The following NFASC variants were observed in gnomAD, a reference collection of about 807,000 sequenced individuals.
The protein encoded by NFASC is neurofascin homolog.
In NFASC, 43 loss-of-function variants were observed where a neutral mutation model predicts 147.5. The ratio of observed to expected loss-of-function variants is 0.29; its 90% CI spans 0.23 to 0.38. The LOEUF (loss-of-function observed/expected upper bound fraction) is 0.38, where lower values mean the gene tolerates loss of function less well. Among genes scored for constraint, NFASC ranks in the 10% least tolerant of loss-of-function variants. NFASC has a pLI of 1.00. For missense variants in NFASC, 1,320 were observed against 1,689.0 expected, an observed-to-expected ratio of 0.78 and a Z score of 3.83; for synonymous variants, 622 against 665.5, an observed-to-expected ratio of 0.93 and a Z score of 1.01.
chr1:204,865,141 A>G (rs1016619186), intron 1 of NFASC, among the ~76,000 whole-genome samples: 2 of 152,344 alleles, frequency 1.3e-5, no homozygotes, highest in Admixed American at 6.5e-5. Context: ...CATGAGGGAT[A>G]CATTTCAAGA....
At chr1:205,000,547 C>T (rs1180939457) in intron 25 of NFASC, 1 of 154,320 alleles carries the variant, frequency 6.5e-6, no homozygotes, top group East Asian at 1.9e-4. Flanking sequence ...GTGGCCTCCT[C>T]CTCCTGGCCA....
At chr1:204,897,419 G>C (rs1406967013) in intron 1 of NFASC, among the ~76,000 whole-genome samples, 1 of 152,108 alleles carries the variant, frequency 6.6e-6, no homozygotes, top group African/African-American at 2.4e-5. Context: ...TAAACCCAGT[G>C]ATACGGAGAA....
rs576823021 is a variant in NFASC at position 204,955,041 on chromosome 1, G to A, written c.535+90G>A. ...AGTGGGGAGGGGCTTGCCCAAGCTA[G>A]AAGGCCTTGATTTGTGAGAGGCAGG... On this transcript the variant is annotated intron_variant, in intron 7 of 29. Coordinates refer to ENST00000339876, the MANE Select transcript of NFASC (RefSeq NM_001005388.3). 384 of 1,513,826 alleles carry A rather than the reference G, an allele frequency of 2.5e-4. 4 individuals are homozygous for A. The South Asian group carries it at 4.3e-3, about 17-fold the overall frequency. 93.8% of individuals were successfully genotyped at this position (1,513,826 alleles called of 1,614,324 possible).
chr1:204,852,335 C>G (rs2075770862), intron 1 of NFASC, among the ~76,000 whole-genome samples: 1 of 152,114 alleles, frequency 6.6e-6, no homozygotes, highest in Non-Finnish European at 1.5e-5. Flanking sequence ...CCCATCTCTA[C>G]TAAAAATAGA....
intron 7 of NFASC, among the ~76,000 whole-genome samples, chr1:204,956,198 T>C (rs1004852177): frequency 7.2e-5 from 11 of 152,236 alleles, no homozygotes; most frequent in African/African-American, 2.7e-4. Flanking sequence ...GAATTATCCA[T>C]AACAGGCCTC....
chr1:204,939,058 G>A (rs1443080804), intron 2 of NFASC, among the ~76,000 whole-genome samples: 3 of 151,248 alleles, frequency 2.0e-5, no homozygotes, highest in Admixed American at 6.6e-5. Context: ...GTGTGTGTGT[G>A]TGTGTGTGTG....
chr1:204,937,946 C>G (rs2802818), intron 2 of NFASC, among the ~76,000 whole-genome samples: 26,054 of 152,220 alleles, frequency 0.17, 3,032 homozygotes, highest in African/African-American at 0.33. Flanking sequence ...AATCCCTGCC[C>G]ACTGCATGCA....
chr1:204,955,352 C>A (rs1014450070), intron 7 of NFASC, among the ~76,000 whole-genome samples: 5 of 152,158 alleles, frequency 3.3e-5, no homozygotes, highest in African/African-American at 1.2e-4. Context: ...AAGAGCAAGA[C>A]AGAAGGGATT....
rs768902986 is a variant in NFASC at position 204,946,334 on chromosome 1, T to A, written c.91+1928T>A. The A allele has an allele frequency of 2.9e-5, 15 of 513,562 alleles. No individual in the cohort carries two copies. The Admixed American group carries it at 2.9e-4, about 10-fold the overall frequency. 31.8% of individuals were successfully genotyped at this position (513,562 alleles called of 1,614,324 possible). The stretch of plus-strand genomic sequence containing the variant: ...CAGCTAACCCTCAACATAGGTGTTA[T>A]CCTTAGCCTGCGGGTTAGAGACAAG... On this transcript the variant is annotated intron_variant, in intron 3 of 29. Coordinates refer to ENST00000339876, the MANE Select transcript of NFASC (RefSeq NM_001005388.3).
chr1:204,939,034 ATGGATGTG>A (rs1402432156), intron 2 of NFASC, among the ~76,000 whole-genome samples: 1 of 61,352 alleles, frequency 1.6e-5, no homozygotes, highest in African/African-American at 5.7e-5. Flanking sequence ...TCCTGTATGG[ATGGATGTG>A]TGTGTGTGTG....
intron 2 of NFASC, among the ~76,000 whole-genome samples, chr1:204,921,255 C>T (rs989471668): frequency 4.6e-5 from 7 of 152,154 alleles, no homozygotes; most frequent in South Asian, 4.1e-4. Flanking sequence ...TGTTCCATTC[C>T]GGGTTAGATT....
At chr1:204,940,385 G>A (rs1439327120) in intron 2 of NFASC, among the ~76,000 whole-genome samples, 1 of 152,148 alleles carries the variant, frequency 6.6e-6, no homozygotes, top group Non-Finnish European at 1.5e-5. Flanking sequence ...CCCAGGAGGT[G>A]GAGGCTGCAG....
At position 204,914,098 on chromosome 1, in the gene NFASC, C is replaced by G. The variant is rs145271851; in HGVS notation, c.-199-6534C>G. Among the ~76,000 whole-genome samples, 1,211 of 152,134 alleles carry G rather than the reference C, an allele frequency of 8.0e-3. 13 individuals are homozygous for G. The highest frequency in any genetic ancestry group is 0.019 in the South Asian group (92 of 4,820). On this transcript the variant is annotated intron_variant, in intron 1 of 29. Transcript: ENST00000339876. ...TCAGGAAAAAAAATAATGATGTGGT[C>G]GATTTGCAGCCCCTCTTATAGAGAA... is the stretch of plus-strand genomic sequence containing the variant.
Position 204,954,855 on chromosome 1 carries a change from C to G in NFASC, c.439C>G (p.Leu147Val). The G allele has an allele frequency of 6.2e-7, 1 of 1,614,202 alleles. No individual in the cohort carries two copies. The highest frequency in any genetic ancestry group is 2.2e-5 in the East Asian group (1 of 44,886). ...ATCTCCTCTGTGGCCCAAGGAAAAC[C>G]TAGACCCTGTCGTGGTCCAAGAGGG... is the stretch of plus-strand genomic sequence containing the variant. Reference protein sequence around the residue: ...SKSPLWPKENLDPVVVQEGAP... With the variant: ...SKSPLWPKENVDPVVVQEGAP... The change falls in exon 7 of 30, where the codon CTA (leucine) becomes GTA (valine). Residue 147 changes from leucine to valine, a missense_variant. Coordinates refer to ENST00000339876, the MANE Select transcript of NFASC (RefSeq NM_001005388.3). The surrounding 1 kb of genome is among the most constrained non-coding windows in gnomAD (Gnocchi z 5.7).
At chr1:204,948,932 C>T (rs370146457) in intron 3 of NFASC, among the ~76,000 whole-genome samples, 9 of 152,326 alleles carry the variant, frequency 5.9e-5, no homozygotes, top group African/African-American at 1.9e-4. Flanking sequence ...TTCTCCCCAC[C>T]CAAGCCAACT....
At chr1:204,949,821 A>T (rs2093993256) in intron 3 of NFASC, among the ~76,000 whole-genome samples, 1 of 152,240 alleles carries the variant, frequency 6.6e-6, no homozygotes. Flanking sequence ...GCACACCTAT[A>T]CAAGCACATG....
Position 204,979,299 on chromosome 1 carries a change from C to T in NFASC, c.1979-63C>T, listed in dbSNP as rs988397432. The stretch of plus-strand genomic sequence containing the variant: ...ATCAATGGAAGCCAAGAAGGAAGTG[C>T]TTTTAAAGAAGACCACTGCTAACTG... On this transcript the variant is annotated intron_variant, in intron 18 of 29. Transcript: ENST00000339876. This position sits in a 1 kb window ranked among gnomAD's most constrained non-coding sequence, Gnocchi z 6.0. 71 of 1,328,138 alleles carry T rather than the reference C, an allele frequency of 5.3e-5. 1 individual carries two copies. The highest frequency in any genetic ancestry group is 5.1e-5 in the Admixed American group (3 of 59,384). The allele number at this position is 1,328,138 out of a possible 1,614,324, so 82.3% of individuals were successfully genotyped here.
At chr1:205,014,581 A>G (rs945680856) in intron 29 of NFASC, among the ~76,000 whole-genome samples, 1 of 152,084 alleles carries the variant, frequency 6.6e-6, no homozygotes, top group Non-Finnish European at 1.5e-5. Flanking sequence ...ACAGGTGGCC[A>G]GACCAGGGCC....
At position 205,019,702 on chromosome 1, in the gene NFASC, GGA is replaced by G. The variant is rs1446210502; in HGVS notation, c.*3167_*3168del. On this transcript the variant is annotated 3_prime_UTR_variant, in exon 30 of 30. Coordinates refer to ENST00000339876, the MANE Select transcript of NFASC (RefSeq NM_001005388.3). Reference sequence around the variant, plus strand: ...CGAGCTTGAAGAGAGGGATTCTGAGGGAGAGCTTGGTCCATCTGGTCACCAAG... The same window carrying G: ...CGAGCTTGAAGAGAGGGATTCTGAGGGAGCTTGGTCCATCTGGTCACCAAG... The G allele has an allele frequency of 6.6e-6, 1 of 152,198 alleles. No individual in the cohort carries two copies. Among genetic ancestry groups the G allele is most frequent in the Non-Finnish European group, 1.5e-5 (1 of 68,062 alleles). The allele number at this position is 152,198 out of a possible 1,614,324, so 9.4% of individuals were successfully genotyped here. A position where few individuals can be genotyped will look rare whatever the true frequency, so the allele number is the denominator to read the frequency against.
Sources: allele counts gnomAD v4.1 joint callset (sites outside exome capture counted in the v4.1 genomes callset), GRCh38; gene constraint gnomAD v4.1.1; non-coding constraint Gnocchi (gnomAD v3.1); transcripts MANE v1.5; gene names NCBI Gene and HGNC (gene_info 2026-07-23, HGNC 2026-07-21).